The following IGFBP6 variants were observed in gnomAD, a reference collection of about 807,000 sequenced individuals.
IGFBP6 encodes insulin-like growth factor-binding protein 6.
Under a neutral mutation model 24.5 loss-of-function variants are expected in IGFBP6, and 24 were observed. The ratio of observed to expected loss-of-function variants is 0.98; its 90% CI spans 0.71 to 1.38. IGFBP6 has a LOEUF of 1.38. Among genes scored for constraint, IGFBP6 ranks in the 40% most tolerant of loss-of-function variants. The probability of loss-of-function intolerance (pLI) is 0.00; values close to 1 mark genes in which losing one functional copy is unlikely to be tolerated. For missense variants in IGFBP6, 331 were observed against 324.8 expected (o/e 1.02, Z -0.15); for synonymous variants, 147 against 137.4 (o/e 1.07, Z -0.49).
intron 3 of IGFBP6, 112 bp downstream of exon 3, chr12:53,101,272 C>A: frequency 9.2e-7 from 1 of 1,081,492 alleles, no homozygotes; most frequent in Non-Finnish European, 1.4e-6. Flanking sequence ...CTTTAAGGAT[C>A]TTCCAACTTT....
chr12:53,099,597 G>A (rs1461917667), intron 1 of IGFBP6, among the ~76,000 whole-genome samples: 2 of 152,124 alleles, frequency 1.3e-5, no homozygotes, highest in Non-Finnish European at 2.9e-5. Context: ...TTCTGCCCCA[G>A]CTCTCCGGCT....
rs6413498 is a variant in IGFBP6, at chr12:53,102,094, G to A, written c.650G>A (p.Arg217Gln). Reference protein sequence around the residue: ...QRRGPCWCVDRMGKSLPGSPD... With the variant: ...QRRGPCWCVDQMGKSLPGSPD... ...CGAGGTCCCTGCTGGTGTGTGGATC[G>A]GATGGGCAAGTCCCTGCCAGGGTCT... Residue 217 changes from arginine to glutamine, a missense_variant, in exon 4 of 4, where the codon CGG becomes CAG. Transcript: ENST00000301464. The A allele has an allele frequency of 1.5e-3, 2,343 of 1,612,496 alleles. 25 individuals carry two copies. The African/African-American group carries it at 0.024, about 17-fold the overall frequency.
At position 53,102,131 on chromosome 12, in the gene IGFBP6, T is replaced by C; in HGVS notation, c.687T>C (p.Asn229=). 6.2e-7 allele frequency: 1 copy of C among 1,613,902 alleles called. No homozygotes were observed. Among genetic ancestry groups the C allele is most frequent in the East Asian group, 2.2e-5 (1 of 44,858 alleles). ...GKSLPGSPDG[N]GSSSCPTGSS... ...CCCTGCCAGGGTCTCCAGATGGCAA[T>C]GGAAGCTCCTCCTGCCCCACTGGGA... Residue 229 remains asparagine (N), a synonymous_variant, in exon 4 of 4, where the codon AAT becomes AAC. Coordinates refer to ENST00000301464, the MANE Select transcript of IGFBP6 (RefSeq NM_002178.3).
rs749537120 is a variant in IGFBP6, at chr12:53,097,743, C to CGCT, written c.39_41dup (p.Leu14dup). ...ATGACCCCCCACAGGCTGCTGCCAC[C>CGCT]GCTGCTGCTGCTGCTAGCTCTGCTG... is the stretch of plus-strand genomic sequence containing the variant. On this transcript the variant is annotated inframe_insertion, in exon 1 of 4. Coordinates refer to ENST00000301464, the MANE Select transcript of IGFBP6 (RefSeq NM_002178.3). The CGCT allele has an allele frequency of 5.8e-6, 9 of 1,545,268 alleles. No individual in the cohort carries two copies. The highest frequency in any genetic ancestry group is 5.5e-5 in the African/African-American group (4 of 72,918).
intron 1 of IGFBP6, 124 bp downstream of exon 1, chr12:53,098,175 T>C (rs1353231682): frequency 8.7e-7 from 1 of 1,154,916 alleles, no homozygotes; most frequent in Non-Finnish European, 1.1e-6. Context: ...GCTTCCGACT[T>C]TGGGGGGCAC....
chr12:53,100,829 A>T lies in IGFBP6; in HGVS notation c.452A>T (p.Asn151Ile), dbSNP rs775249977. Residue 151 changes from asparagine (N) to isoleucine (I), a missense_variant, in exon 2 of 4, where the codon AAT becomes ATT. Asn to Ile is a moderately radical substitution (Grantham distance 149). Coordinates refer to ENST00000301464, the MANE Select transcript of IGFBP6 (RefSeq NM_002178.3). ...ACCTCTACCACGCCCTCCCAGCCCAATTCTGCGGGTGTCCAAGACACTGAG... is the reference window on the plus strand; with the variant it reads ...ACCTCTACCACGCCCTCCCAGCCCATTTCTGCGGGTGTCCAAGACACTGAG... ...PGTSTTPSQP[N>I]SAGVQDTEMG... The T allele has an allele frequency of 3.7e-6, 6 of 1,614,180 alleles. No homozygotes were observed. Among genetic ancestry groups the T allele is most frequent in the Non-Finnish European group, 5.1e-6 (6 of 1,180,026 alleles).
intron 3 of IGFBP6, 140 bp from the exon 4 acceptor site, chr12:53,101,898 CAAAAAAA>C (rs57771658): frequency 3.3e-4 from 65 of 199,348 alleles, no homozygotes; most frequent in Non-Finnish European, 4.1e-4. Context: ...GACTCCATCT[CAAAAAAA>C]AAAAAAAAAA....
At position 53,097,673 on chromosome 12, in the gene IGFBP6, G is replaced by C. The variant is rs988465748; in HGVS notation, c.-45G>C. 29 of 1,519,078 alleles carry C rather than the reference G, an allele frequency of 1.9e-5. No homozygotes were observed. The highest frequency in any genetic ancestry group is 8.3e-5 in the Admixed American group (4 of 48,084). 94.1% of individuals were successfully genotyped at this position (1,519,078 alleles called of 1,614,324 possible). On this transcript the variant is annotated 5_prime_UTR_variant, in exon 1 of 4. Coordinates refer to ENST00000301464, the MANE Select transcript of IGFBP6 (RefSeq NM_002178.3). ...AGGGGCGGCGGCGGGCAGCAGCTGC[G>C]CTGCGACTGCTCTGGAAGGAGAGGA...
Position 53,098,083 on chromosome 12 carries a change from C to T in IGFBP6, c.334+32C>T, listed in dbSNP as rs35523580. The T allele has an allele frequency of 2.9e-4, 407 of 1,397,140 alleles. 3 individuals are homozygous for T. The African/African-American group carries it at 5.4e-3, about 18-fold the overall frequency. 86.5% of individuals were successfully genotyped at this position (1,397,140 alleles called of 1,614,324 possible). On this transcript the variant is annotated intron_variant, in intron 1 of 3. Transcript: ENST00000301464. ...CCGCGCCCCGCCCCTGCCCCGCCCA[C>T]GTGAGACCCGCGTCCTCCAGGCAGG...
intron 1 of IGFBP6, among the ~76,000 whole-genome samples, chr12:53,099,844 G>T (rs1937799473): frequency 6.7e-6 from 1 of 149,714 alleles, no homozygotes; most frequent in Non-Finnish European, 1.5e-5. Flanking sequence ...TTTTAATTAA[G>T]TAATTAATTA....
intron 3 of IGFBP6, among the ~76,000 whole-genome samples, chr12:53,101,750 T>G (rs1937831357): frequency 6.6e-6 from 1 of 151,686 alleles, no homozygotes; most frequent in Admixed American, 6.6e-5. Flanking sequence ...ATTACAAAAA[T>G]TAGCCAGATG....
Position 53,102,127 on chromosome 12 carries a change from G to T in IGFBP6, c.683G>T (p.Gly228Val), listed in dbSNP as rs766352655. Residue 228 changes from glycine to valine, a missense_variant, in exon 4 of 4, where the codon GGC becomes GTC. By Grantham distance (109) the Gly-to-Val change is moderately radical. Coordinates refer to ENST00000301464, the MANE Select transcript of IGFBP6 (RefSeq NM_002178.3). Reference sequence around the variant, plus strand: ...AAGTCCCTGCCAGGGTCTCCAGATGGCAATGGAAGCTCCTCCTGCCCCACT... The same window carrying T: ...AAGTCCCTGCCAGGGTCTCCAGATGTCAATGGAAGCTCCTCCTGCCCCACT... ...MGKSLPGSPD[G>V]NGSSSCPTGS... The T allele has an allele frequency of 1.2e-6, 2 of 1,613,966 alleles. No individual in the cohort carries two copies. The highest frequency in any genetic ancestry group is 2.2e-5 in the South Asian group (2 of 91,076).
At chr12:53,098,397 C>G (rs1937777547) in intron 1 of IGFBP6, among the ~76,000 whole-genome samples, 1 of 152,174 alleles carries the variant, frequency 6.6e-6, no homozygotes, top group South Asian at 2.1e-4. Context: ...AGGCCCAGCT[C>G]CTACAACCCT....
At position 53,102,175 on chromosome 12, in the gene IGFBP6, G is replaced by A. The variant is rs776071259; in HGVS notation, c.*8G>A. 3.1e-6 allele frequency: 5 copies of A among 1,613,518 alleles called. No individual in the cohort carries two copies. On this transcript the variant is annotated 3_prime_UTR_variant, in exon 4 of 4. Transcript: ENST00000301464. ...ACTGGGAGTAGCGGCTAAAGCTGGGGGATAGAGGGGCTGCAGGGCCACTGG... is the reference window on the plus strand; with the variant it reads ...ACTGGGAGTAGCGGCTAAAGCTGGGAGATAGAGGGGCTGCAGGGCCACTGG...
rs1937769484 is a variant in IGFBP6, at chr12:53,098,000, C to T, written c.283C>T (p.Arg95Trp). 3.3e-6 allele frequency: 5 copies of T among 1,514,084 alleles called. No homozygotes were observed. The highest frequency in any genetic ancestry group is 1.2e-5 in the South Asian group (1 of 81,036). 93.8% of individuals were successfully genotyped at this position (1,514,084 alleles called of 1,614,324 possible). A position where few individuals can be genotyped will look rare whatever the true frequency, so the allele number is the denominator to read the frequency against. Residue 95 changes from arginine to tryptophan, a missense_variant, in exon 1 of 4, where the codon CGG (arginine) becomes TGG (tryptophan). By Grantham distance (101) the Arg-to-Trp change is moderately radical (BLOSUM62 -3). Coordinates refer to ENST00000301464, the MANE Select transcript of IGFBP6 (RefSeq NM_002178.3). ...GCCCAAGGACGACGAGGCGCCTTTG[C>T]GGGCGCTGCTGCTCGGCCGAGGCCG... ...HPPKDDEAPL[R>W]ALLLGRGRCL...
intron 1 of IGFBP6, among the ~76,000 whole-genome samples, chr12:53,100,385 C>T (rs1406681575): frequency 2.0e-5 from 3 of 152,214 alleles, no homozygotes; most frequent in African/African-American, 7.2e-5. Flanking sequence ...TGGTCTCAAA[C>T]TCCTGGGCTC....
At chr12:53,099,197 CCAAG>C in intron 1 of IGFBP6, 1 of 400,652 alleles carries the variant, frequency 2.5e-6, no homozygotes, top group Non-Finnish European at 5.3e-6. Context: ...TAGGCAAATT[CCAAG>C]CAGTCAGTAC....
intron 2 of IGFBP6, 44 bp downstream of exon 2, chr12:53,100,901 G>A (rs1369303600): frequency 5.6e-6 from 9 of 1,611,558 alleles, no homozygotes; most frequent in Non-Finnish European, 7.6e-6. Flanking sequence ...GGGAAGCCCT[G>A]GAGACTTCCA....
chr12:53,101,065 T>C lies in IGFBP6; in HGVS notation c.505T>C (p.Ser169Pro). Residue 169 changes from serine (S) to proline (P), a missense_variant, in exon 3 of 4, where the codon TCA (serine) becomes CCA (proline). By Grantham distance (74) the Ser-to-Pro change is moderately conservative. Transcript: ENST00000301464. ...EMGPCRRHLD[S>P]VLQQLQTEVY... ...GGGCCCATGCCGTAGACATCTGGACTCAGTGCTGCAGCAACTCCAGACTGA... is the reference window on the plus strand; with the variant it reads ...GGGCCCATGCCGTAGACATCTGGACCCAGTGCTGCAGCAACTCCAGACTGA... 1 of 1,614,196 alleles carries C rather than the reference T, an allele frequency of 6.2e-7. No individual in the cohort carries two copies. The highest frequency in any genetic ancestry group is 1.1e-5 in the South Asian group (1 of 91,082).
Sources: gnomAD v4.1 joint callset for allele counts (sites outside exome capture counted in the v4.1 genomes callset) on GRCh38, gnomAD v4.1.1 for gene constraint, MANE v1.5 for transcripts, NCBI Gene and HGNC (gene_info 2026-07-23, HGNC 2026-07-21) for gene names.